Variants in GPR89A observed in about 807,000 individuals in gnomAD.
GPR89A encodes the protein G protein-coupled receptor 89A.
A neutral mutation model predicts 52.0 loss-of-function variants in GPR89A; 16 were observed. That is an observed-to-expected ratio of 0.31 (90% CI 0.21 to 0.47). GPR89A has a LOEUF of 0.47. Among genes scored for constraint, GPR89A ranks in the 20% least tolerant of loss-of-function variants. GPR89A has a pLI of 1.00. For synonymous variants in GPR89A, 55 were observed against 150.9 expected (o/e 0.36, Z 4.66); for missense variants, 135 against 449.4 (o/e 0.30, Z 6.33).
intron 1 of GPR89A, chr1:145,612,292 G>C (rs1648348861): frequency 6.6e-6 from 1 of 152,110 alleles, no homozygotes; most frequent in Admixed American, 6.5e-5. Context: ...TAATCTAAAA[G>C]GTTATCTGTG....
intron 10 of GPR89A, among the ~76,000 whole-genome samples, chr1:145,659,246 G>A (rs1291618495): frequency 3.9e-5 from 6 of 152,040 alleles, no homozygotes; most frequent in African/African-American, 7.2e-5. Flanking sequence ...GTGCAGTGGT[G>A]CAGTCTCAGC....
intron 3 of GPR89A, among the ~76,000 whole-genome samples, chr1:145,620,002 A>G (rs868964612): frequency 2.1e-4 from 32 of 152,052 alleles, no homozygotes; most frequent in African/African-American, 7.7e-4. Flanking sequence ...GCGACAGAGC[A>G]AGACTCCATC....
At chr1:145,629,156 C>T (rs1218803406) in intron 5 of GPR89A, among the ~76,000 whole-genome samples, 6 of 152,030 alleles carry the variant, frequency 3.9e-5, no homozygotes, top group Admixed American at 2.0e-4. Flanking sequence ...CTAGCAATAT[C>T]CCAGAACTCA....
intron 12 of GPR89A, among the ~76,000 whole-genome samples, chr1:145,667,207 G>A (rs1178024571): frequency 2.0e-5 from 3 of 152,154 alleles, no homozygotes; most frequent in African/African-American, 7.2e-5. Context: ...CACCAACAGT[G>A]TAAAAGTGTT....
chr1:145,667,599 G>A (rs1211128139), intron 12 of GPR89A, among the ~76,000 whole-genome samples: 1 of 152,042 alleles, frequency 6.6e-6, no homozygotes, highest in Non-Finnish European at 1.5e-5. Flanking sequence ...GTCAATTTTG[G>A]CTTTTGTTGC....
At chr1:145,615,988 A>G (rs1164186460) in intron 1 of GPR89A, among the ~76,000 whole-genome samples, 2 of 151,306 alleles carry the variant, frequency 1.3e-5, no homozygotes, top group Non-Finnish European at 1.5e-5. Context: ...ATGGCAAAAT[A>G]TGTACTTCCA....
intron 10 of GPR89A, among the ~76,000 whole-genome samples, chr1:145,647,877 CTCTATA>C (rs1559042113): frequency 0.019 from 752 of 40,642 alleles, 11 homozygotes; most frequent in Middle Eastern, 0.029. Flanking sequence ...CTCTCTCTCT[CTCTATA>C]TATATATATA....
intron 5 of GPR89A, among the ~76,000 whole-genome samples, chr1:145,628,706 T>C (rs1321101892): frequency 2.6e-5 from 4 of 152,234 alleles, no homozygotes; most frequent in African/African-American, 9.6e-5. Flanking sequence ...TGGTGAATAT[T>C]ACCTATTGCC....
chr1:145,663,427 A>T lies in GPR89A; in HGVS notation c.1005+3A>T, dbSNP rs369231904. On this transcript the variant is annotated splice_donor_region_variant and intron_variant, in intron 11 of 13. Transcript: ENST00000313835. ...ATTATCTGGGAATCCAATTTGATGTAAGTGTTATATCAAGATCCTGGTTTG... is the reference window on the plus strand; with the variant it reads ...ATTATCTGGGAATCCAATTTGATGTTAGTGTTATATCAAGATCCTGGTTTG... The T allele has an allele frequency of 5.3e-5, 85 of 1,610,334 alleles. No individual in the cohort carries two copies. Among genetic ancestry groups the T allele is most frequent in the Non-Finnish European group, 7.0e-5 (83 of 1,178,868 alleles).
At chr1:145,638,342 C>CA (rs1174902253) in intron 7 of GPR89A, among the ~76,000 whole-genome samples, 14 of 127,616 alleles carry the variant, frequency 1.1e-4, no homozygotes, top group African/African-American at 2.6e-4. Flanking sequence ...ACCAAAAATA[C>CA]AAAAAAAATT....
intron 8 of GPR89A, chr1:145,645,438 G>A (rs1553692364): frequency 5.2e-6 from 2 of 382,484 alleles, no homozygotes; most frequent in African/African-American, 4.2e-5. Context: ...TTTGAGCTGT[G>A]TTAGTAATGA....
intron 1 of GPR89A, among the ~76,000 whole-genome samples, chr1:145,610,638 A>G (rs1340912710): frequency 2.6e-5 from 4 of 152,060 alleles, no homozygotes; most frequent in Non-Finnish European, 5.9e-5. Context: ...ACACTACCAC[A>G]TTGTTTGGTA....
intron 10 of GPR89A, among the ~76,000 whole-genome samples, chr1:145,649,330 C>A (rs1283588452): frequency 6.6e-6 from 1 of 152,152 alleles, no homozygotes; most frequent in Non-Finnish European, 1.5e-5. Context: ...AGACGACTGC[C>A]AATCTGCCTT....
Position 145,615,713 on chromosome 1 carries a change from C to T in GPR89A, c.43-521C>T, listed in dbSNP as rs587688409. On this transcript the variant is annotated intron_variant, in intron 1 of 13. Transcript: ENST00000313835. ...CGATATTGGCTCTCTGCAACCTCTG[C>T]CTCCCAGATTCAAGCGATTCTCATG... 3.2e-4 allele frequency among the ~76,000 whole-genome samples: 45 copies of T among 141,566 alleles called. 1 individual carries two copies. The highest frequency in any genetic ancestry group is 1.1e-3 in the African/African-American group (42 of 37,448). 92.9% of individuals were successfully genotyped at this position (141,566 alleles called of 152,430 possible). A position where few individuals can be genotyped will look rare whatever the true frequency, so the allele number is the denominator to read the frequency against.
rs1307573555 is a variant in GPR89A, at chr1:145,665,448, G to A, written c.1006-114G>A. 72 of 1,408,626 alleles carry A rather than the reference G, an allele frequency of 5.1e-5. No individual in the cohort carries two copies. The African/African-American group carries it at 9.8e-4, about 19-fold the overall frequency. 87.3% of individuals were successfully genotyped at this position (1,408,626 alleles called of 1,614,324 possible). On this transcript the variant is annotated intron_variant, in intron 11 of 13. Coordinates refer to ENST00000313835, the MANE Select transcript of GPR89A (RefSeq NM_001097612.2). ...TCTCTCCCTTAAGAAAAAAAATCAGGTAGGGTCTAATAAAGCTCCCTCTCA... is the reference window on the plus strand; with the variant it reads ...TCTCTCCCTTAAGAAAAAAAATCAGATAGGGTCTAATAAAGCTCCCTCTCA...
At chr1:145,658,637 C>T (rs1651978777) in intron 10 of GPR89A, among the ~76,000 whole-genome samples, 1 of 149,144 alleles carries the variant, frequency 6.7e-6, no homozygotes, top group Non-Finnish European at 1.5e-5. Context: ...AAAAAAAATT[C>T]ATATTTTCTA....
intron 7 of GPR89A, among the ~76,000 whole-genome samples, chr1:145,635,178 G>A (rs1222558666): frequency 3.9e-5 from 6 of 152,236 alleles, no homozygotes; most frequent in East Asian, 1.9e-4. Flanking sequence ...AGGCCGAGTC[G>A]GGCAGATCAC....
rs1338898731 is a variant in GPR89A at position 145,635,379 on chromosome 1, C to T, written c.617+3635C>T. On this transcript the variant is annotated intron_variant, in intron 7 of 13. Transcript: ENST00000313835. ...CCAGATCGCGCCACTGCACTCCAGCCTGGGTGATGGAGTGAGACTCCGTCT... is the reference window on the plus strand; with the variant it reads ...CCAGATCGCGCCACTGCACTCCAGCTTGGGTGATGGAGTGAGACTCCGTCT... 3.3e-4 allele frequency among the ~76,000 whole-genome samples: 49 copies of T among 148,196 alleles called. 2 individuals are homozygous for T. Among genetic ancestry groups the T allele is most frequent in the Non-Finnish European group, 1.5e-5 (1 of 67,446 alleles).
intron 3 of GPR89A, among the ~76,000 whole-genome samples, chr1:145,621,252 AT>A (rs1310818555): frequency 6.6e-6 from 1 of 150,556 alleles, no homozygotes; most frequent in African/African-American, 2.4e-5. Context: ...CTTTGAAGAA[AT>A]TTCATTGTAA....
Sources: allele counts gnomAD v4.1 joint callset (sites outside exome capture counted in the v4.1 genomes callset), GRCh38; gene constraint gnomAD v4.1.1; transcripts MANE v1.5; gene names NCBI Gene and HGNC (gene_info 2026-07-23, HGNC 2026-07-21).